ELOVL2: variants seen among roughly 807,000 people sequenced by gnomAD.
ELOVL2 encodes the protein ELOVL fatty acid elongase 2.
In ELOVL2, 38 loss-of-function variants were observed where a neutral mutation model predicts 37.7. That is an observed-to-expected ratio of 1.01 (90% CI 0.78 to 1.32). The LOEUF is 1.32. ELOVL2 is among the 40% of genes most tolerant of loss of function. The pLI is 0.00. For synonymous variants in ELOVL2, 115 were observed against 122.3 expected, an observed-to-expected ratio of 0.94 and a Z score of 0.40; for missense variants, 352 against 363.6, an observed-to-expected ratio of 0.97 and a Z score of 0.26.
intron 1 of ELOVL2, 104 bp from the exon 2 acceptor site, chr6:11,010,913 G>C: frequency 1.2e-6 from 1 of 847,104 alleles, no homozygotes; most frequent in Non-Finnish European, 1.9e-6. Flanking sequence ...ACTTTCAAAG[G>C]GTCCCAGCTT....
At position 10,983,516 on chromosome 6, in the gene ELOVL2, C is replaced by A. The variant is rs576937672; in HGVS notation, c.*265G>T. ...AAGGCGTTATAAGGACAGCTTCTGGCGAAAGGTTCAGTCTGTGGGAGGGAG... is the reference window on the plus strand; with the variant it reads ...AAGGCGTTATAAGGACAGCTTCTGGAGAAAGGTTCAGTCTGTGGGAGGGAG... On this transcript the variant is annotated 3_prime_UTR_variant, in exon 8 of 8. Coordinates refer to ENST00000354666, the MANE Select transcript of ELOVL2 (RefSeq NM_017770.4). The A allele has an allele frequency of 7.1e-6, 2 of 281,374 alleles. No homozygotes were observed. The highest frequency in any genetic ancestry group is 1.3e-5 in the Non-Finnish European group (2 of 151,210). The allele number at this position is 281,374 out of a possible 1,614,324, so 17.4% of individuals were successfully genotyped here.
intron 2 of ELOVL2, among the ~76,000 whole-genome samples, chr6:11,007,594 G>A (rs1280813915): frequency 6.6e-6 from 1 of 152,176 alleles, no homozygotes; most frequent in African/African-American, 2.4e-5. Context: ...AATTGTGAAA[G>A]AATACATTTC....
At chr6:11,023,582 G>A (rs1159227295) in intron 1 of ELOVL2, among the ~76,000 whole-genome samples, 5 of 152,010 alleles carry the variant, frequency 3.3e-5, no homozygotes, top group East Asian at 3.8e-4. Flanking sequence ...TGAGTCATCC[G>A]GACAGACTAT....
At chr6:11,004,956 CA>C (rs1382492890) in intron 3 of ELOVL2, among the ~76,000 whole-genome samples, 2 of 152,110 alleles carry the variant, frequency 1.3e-5, no homozygotes, top group African/African-American at 4.8e-5. Context: ...ATCAGGAGTT[CA>C]AGACCAGCCT....
intron 7 of ELOVL2, among the ~76,000 whole-genome samples, chr6:10,984,882 G>T (rs1488777172): frequency 5.3e-5 from 8 of 151,992 alleles, no homozygotes; most frequent in Non-Finnish European, 1.2e-4. Context: ...ACCCAGTGAT[G>T]GGATGGCTGG....
intron 5 of ELOVL2, among the ~76,000 whole-genome samples, chr6:10,990,758 G>A (rs1177351800): frequency 1.3e-5 from 2 of 151,922 alleles, no homozygotes; most frequent in African/African-American, 4.8e-5. Flanking sequence ...GGGAGGAAAA[G>A]AAATACTAGC....
intron 2 of ELOVL2, among the ~76,000 whole-genome samples, chr6:11,006,435 TTTTG>T (rs1442230960): frequency 6.6e-6 from 1 of 152,240 alleles, no homozygotes; most frequent in Non-Finnish European, 1.5e-5. Flanking sequence ...ATTCTGCTCT[TTTTG>T]TTTGTTTAAA....
At chr6:11,020,764 C>T (rs2113539928) in intron 1 of ELOVL2, among the ~76,000 whole-genome samples, 1 of 152,312 alleles carries the variant, frequency 6.6e-6, no homozygotes, top group Non-Finnish European at 1.5e-5. Flanking sequence ...ATTTTTCCCC[C>T]TAATAGGTTA....
chr6:11,015,399 G>A (rs1782664684), intron 1 of ELOVL2, among the ~76,000 whole-genome samples: 1 of 152,122 alleles, frequency 6.6e-6, no homozygotes, highest in South Asian at 2.1e-4. Flanking sequence ...ATGGATCTAT[G>A]TAATTGAAGA....
rs959266757 is a variant in ELOVL2 at position 10,983,387 on chromosome 6, A to T, written c.*394T>A. The T allele has an allele frequency of 6.4e-6, 1 of 156,374 alleles. No individual in the cohort carries two copies. The highest frequency in any genetic ancestry group is 6.3e-5 in the Admixed American group (1 of 15,844). 9.7% of individuals were successfully genotyped at this position (156,374 alleles called of 1,614,324 possible). A position where few individuals can be genotyped will look rare whatever the true frequency, so the allele number is the denominator to read the frequency against. On this transcript the variant is annotated 3_prime_UTR_variant, in exon 8 of 8. Transcript: ENST00000354666. ...AGAACATACCCTGTATTTAGAATAT[A>T]ATTAACATTTTGTTGTAAACATTTT...
chr6:11,035,740 G>A (rs1782996112), intron 1 of ELOVL2, among the ~76,000 whole-genome samples: 1 of 152,188 alleles, frequency 6.6e-6, no homozygotes, highest in South Asian at 2.1e-4. Flanking sequence ...CACATTTACT[G>A]GACTGAGTGG....
intron 7 of ELOVL2, among the ~76,000 whole-genome samples, chr6:10,987,269 A>T (rs571981020): frequency 6.6e-6 from 1 of 152,196 alleles, no homozygotes; most frequent in East Asian, 1.9e-4. Context: ...CTAGCAGTCT[A>T]TCAATTTTGT....
chr6:11,030,802 T>G (rs1290441183), intron 1 of ELOVL2, among the ~76,000 whole-genome samples: 1 of 152,160 alleles, frequency 6.6e-6, no homozygotes, highest in Non-Finnish European at 1.5e-5. Context: ...ATTCAAATCT[T>G]TTTAAACTAA....
At chr6:11,015,266 A>G (rs1479859244) in intron 1 of ELOVL2, among the ~76,000 whole-genome samples, 1 of 152,214 alleles carries the variant, frequency 6.6e-6, no homozygotes, top group African/African-American at 2.4e-5. Context: ...TATATGCCCA[A>G]GTGAGAGAAT....
At chr6:10,995,392 CAT>C (rs535613710) in intron 4 of ELOVL2, among the ~76,000 whole-genome samples, 206 of 150,040 alleles carry the variant, frequency 1.4e-3, no homozygotes, top group African/African-American at 4.8e-3. Context: ...TTCCAGAACA[CAT>C]GTGTGATCAC....
At chr6:10,988,633 ACTT>A (rs1581857370) in intron 7 of ELOVL2, among the ~76,000 whole-genome samples, 1 of 152,252 alleles carries the variant, frequency 6.6e-6, no homozygotes, top group Non-Finnish European at 1.5e-5. Flanking sequence ...AAAGTAAAGC[ACTT>A]CTTATTAGTC....
intron 1 of ELOVL2, among the ~76,000 whole-genome samples, chr6:11,037,150 G>C (rs1251082427): frequency 6.7e-6 from 1 of 149,262 alleles, no homozygotes; most frequent in Non-Finnish European, 1.5e-5. Context: ...GAGAGACAGA[G>C]AGGCAGAGAG....
chr6:10,989,407 C>A lies in ELOVL2; in HGVS notation c.765+296G>T, dbSNP rs1581857741. 2.0e-5 allele frequency among the ~76,000 whole-genome samples: 3 copies of A among 152,320 alleles called. No individual in the cohort carries two copies. In the South Asian group the frequency reaches 6.2e-4, roughly 32 times the overall value. ...GTGGCTCACGCCTATAATCCCAGCACTTTGGGAAGCCAAGGCAGGCAGATC... is the reference window on the plus strand; with the variant it reads ...GTGGCTCACGCCTATAATCCCAGCAATTTGGGAAGCCAAGGCAGGCAGATC... On this transcript the variant is annotated intron_variant, in intron 7 of 7. Transcript: ENST00000354666.
chr6:10,986,353 C>T (rs1283458923), intron 7 of ELOVL2, among the ~76,000 whole-genome samples: 2 of 152,176 alleles, frequency 1.3e-5, no homozygotes, highest in Non-Finnish European at 2.9e-5. Flanking sequence ...CTTCTCCTGC[C>T]TAATTGCCCT....
Sources: allele counts gnomAD v4.1 joint callset (sites outside exome capture counted in the v4.1 genomes callset), GRCh38; gene constraint gnomAD v4.1.1; transcripts MANE v1.5; gene names NCBI Gene and HGNC (gene_info 2026-07-23, HGNC 2026-07-21).